Variants in ALOX5AP observed in about 807,000 individuals in gnomAD.
The protein encoded by ALOX5AP is arachidonate 5-lipoxygenase activating protein.
Under a neutral mutation model 18.5 loss-of-function variants are expected in ALOX5AP, and 9 were observed. That is an observed-to-expected ratio of 0.49 (90% CI 0.29 to 0.85). ALOX5AP has a LOEUF of 0.85. ALOX5AP is among the 40% of genes least tolerant of loss of function. The pLI, the probability that ALOX5AP is intolerant of heterozygous loss-of-function variation, is 0.08. For missense variants in ALOX5AP, 172 were observed against 202.5 expected (o/e 0.85, Z 0.91); for synonymous variants, 81 against 78.6 (o/e 1.03, Z -0.16).
intron 2 of ALOX5AP, among the ~76,000 whole-genome samples, chr13:30,746,832 G>T (rs1951813142): frequency 6.6e-6 from 1 of 152,218 alleles, no homozygotes; most frequent in Non-Finnish European, 1.5e-5. Context: ...TTGTTATAAG[G>T]TTGCATGCTC....
intron 4 of ALOX5AP, among the ~76,000 whole-genome samples, chr13:30,758,966 C>T (rs888612643): frequency 2.0e-5 from 3 of 152,082 alleles, no homozygotes; most frequent in African/African-American, 7.2e-5. Flanking sequence ...TACAGGTGTG[C>T]ACTACCACAC....
At chr13:30,752,148 T>G (rs1416761223) in intron 3 of ALOX5AP, 26 bp downstream of exon 3, 1 of 1,608,676 alleles carries the variant, frequency 6.2e-7, no homozygotes, top group Non-Finnish European at 8.5e-7. Flanking sequence ...CTTTGTTCAT[T>G]CTCCTTCTAT....
chr13:30,759,868 A>G (rs1055008480), intron 4 of ALOX5AP, among the ~76,000 whole-genome samples: 1 of 152,222 alleles, frequency 6.6e-6, no homozygotes. Context: ...CCCATCCCAG[A>G]CTTATGAATC....
At chr13:30,714,155 G>A (rs193174443) in intron 1 of ALOX5AP, among the ~76,000 whole-genome samples, 199 of 145,432 alleles carry the variant, frequency 1.4e-3, no homozygotes, top group African/African-American at 4.9e-3. Flanking sequence ...TGGCTCTTTA[G>A]AGAACAGATG....
chr13:30,718,062 C>T (rs956921546), intron 1 of ALOX5AP, among the ~76,000 whole-genome samples: 6 of 151,612 alleles, frequency 4.0e-5, no homozygotes, highest in African/African-American at 1.2e-4. Flanking sequence ...CAGGTTTAAG[C>T]GATTCTCCTG....
At position 30,735,647 on chromosome 13, in the gene ALOX5AP, C is replaced by T. The variant is rs11542984; in HGVS notation, c.42C>T (p.Ile14=). 9.4e-4 allele frequency: 1,521 copies of T among 1,614,124 alleles called. 17 individuals are homozygous for T. In the African/African-American group the frequency reaches 0.016, roughly 17 times the overall value. The change falls in exon 1 of 5, where the codon ATC becomes ATT. Residue 14 remains isoleucine, a synonymous_variant. Transcript: ENST00000380490. The part of the protein sequence containing the change: ...ETVGNVVLLA[I]VTLISVVQNG... ...TAGGCAATGTTGTCCTGTTGGCCAT[C>T]GTCACCCTCATCAGCGTGGTCCAGA... is the stretch of plus-strand genomic sequence containing the variant.
At chr13:30,732,151 C>G (rs1037328874), upstream of ALOX5AP, among the ~76,000 whole-genome samples, 2 of 152,230 alleles carry the variant, frequency 1.3e-5, no homozygotes, top group Non-Finnish European at 2.9e-5. Flanking sequence ...GGGGGTGACT[C>G]CAAGGAGCTC....
At chr13:30,716,397 A>G (rs1476806919) in intron 1 of ALOX5AP, among the ~76,000 whole-genome samples, 1 of 152,234 alleles carries the variant, frequency 6.6e-6, no homozygotes, top group Non-Finnish European at 1.5e-5. Context: ...CTTACTCAAC[A>G]TGTGCTCCAA....
At chr13:30,734,080 A>G (rs1300493349), upstream of ALOX5AP, among the ~76,000 whole-genome samples, 1 of 152,166 alleles carries the variant, frequency 6.6e-6, no homozygotes, top group Non-Finnish European at 1.5e-5. Flanking sequence ...ACCAATTTCT[A>G]TTATAAATCT....
chr13:30,736,949 G>A (rs1951726745), intron 1 of ALOX5AP, among the ~76,000 whole-genome samples: 1 of 152,096 alleles, frequency 6.6e-6, no homozygotes, highest in Non-Finnish European at 1.5e-5. Context: ...CCCTGCTCTG[G>A]CCCAGATAGT....
intron 4 of ALOX5AP, among the ~76,000 whole-genome samples, chr13:30,759,355 C>G (rs1205479334): frequency 6.6e-6 from 1 of 152,156 alleles, no homozygotes; most frequent in Non-Finnish European, 1.5e-5. Context: ...TGACTGCCAA[C>G]TCTTGAGGCC....
At chr13:30,718,457 T>G (rs1319346251) in intron 1 of ALOX5AP, among the ~76,000 whole-genome samples, 1 of 151,200 alleles carries the variant, frequency 6.6e-6, no homozygotes, top group Non-Finnish European at 1.5e-5. Flanking sequence ...GCTCAGTTCT[T>G]CTCTCCATGT....
intron 3 of ALOX5AP, among the ~76,000 whole-genome samples, chr13:30,754,619 A>C (rs914544670): frequency 2.0e-5 from 3 of 152,242 alleles, no homozygotes; most frequent in Admixed American, 1.3e-4. Context: ...AAGCGCAATA[A>C]ATGTTATTAT....
At chr13:30,715,073 A>G (rs1294982179) in intron 1 of ALOX5AP, among the ~76,000 whole-genome samples, 1 of 152,168 alleles carries the variant, frequency 6.6e-6, no homozygotes, top group Non-Finnish European at 1.5e-5. Context: ...TCTCCAGGTC[A>G]ATATGTGACC....
intron 4 of ALOX5AP, among the ~76,000 whole-genome samples, chr13:30,762,597 A>AAAG (rs71738669): frequency 8.3e-6 from 1 of 121,032 alleles, no homozygotes; most frequent in African/African-American, 3.9e-5. Context: ...CAAAAAAAAA[A>AAAG]AAAGAAAAGA....
At chr13:30,750,611 T>G (rs1169856596) in intron 2 of ALOX5AP, among the ~76,000 whole-genome samples, 1 of 152,170 alleles carries the variant, frequency 6.6e-6, no homozygotes. Flanking sequence ...AGTTCCTTAT[T>G]GGAAACATGA....
chr13:30,741,204 G>A (rs1204197347), intron 1 of ALOX5AP, among the ~76,000 whole-genome samples: 1 of 129,498 alleles, frequency 7.7e-6, no homozygotes, highest in Non-Finnish European at 1.6e-5. Context: ...CTCACTGCAA[G>A]CTCCGCCTCC....
At position 30,741,103 on chromosome 13, in the gene ALOX5AP, C is replaced by CTTTTTTTTTTTTTT. The variant is rs59980433; in HGVS notation, c.71-2935_71-2922dup. On this transcript the variant is annotated intron_variant, in intron 1 of 4. Transcript: ENST00000380490. ...TTAACCTACACACATCCTCCATATC[C>CTTTTTTTTTTTTTT]TTTTTTTTTTTTTTTTTTTTTTTTT... 6.2e-4 allele frequency among the ~76,000 whole-genome samples: 40 copies of CTTTTTTTTTTTTTT among 64,008 alleles called. 6 individuals carry two copies. Among genetic ancestry groups the CTTTTTTTTTTTTTT allele is most frequent in the Middle Eastern group, 0.016 (1 of 64 alleles). 42.0% of individuals were successfully genotyped at this position (64,008 alleles called of 152,430 possible).
rs558671067 is a variant in ALOX5AP, at chr13:30,736,688, C to G, written c.70+1013C>G. 3.3e-5 allele frequency among the ~76,000 whole-genome samples: 5 copies of G among 152,318 alleles called. No individual in the cohort carries two copies. In the South Asian group the frequency reaches 1.0e-3, roughly 32 times the overall value. ...TTCTGGGCACAGAGCAAGCCTCCCCCTCAGCCTCTGCACCAGAAAGGCTCA... is the reference window on the plus strand; with the variant it reads ...TTCTGGGCACAGAGCAAGCCTCCCCGTCAGCCTCTGCACCAGAAAGGCTCA... On this transcript the variant is annotated intron_variant, in intron 1 of 4. Transcript: ENST00000380490.
Sources: gnomAD v4.1 joint callset for allele counts (sites outside exome capture counted in the v4.1 genomes callset) on GRCh38, gnomAD v4.1.1 for gene constraint, MANE v1.5 for transcripts, NCBI Gene and HGNC (gene_info 2026-07-23, HGNC 2026-07-21) for gene names.